Variants in NDST4 observed in about 807,000 individuals in gnomAD.
The protein encoded by NDST4 is N-deacetylase and N-sulfotransferase 4.
NDST4 carries 63 observed loss-of-function variants against 100.8 expected under a neutral mutation model. The observed-to-expected ratio is 0.62, with a 90% CI of 0.51 to 0.77. The LOEUF (loss-of-function observed/expected upper bound fraction) is 0.77, where lower values mean the gene tolerates loss of function less well. Among genes scored for constraint, NDST4 ranks in the 30% least tolerant of loss-of-function variants. The pLI is 0.00. For synonymous variants in NDST4, 377 were observed against 361.8 expected, an observed-to-expected ratio of 1.04 and a Z score of -0.48; for missense variants, 943 against 1,018.4, an observed-to-expected ratio of 0.93 and a Z score of 1.01.
intron 2 of NDST4, among the ~76,000 whole-genome samples, chr4:115,051,446 A>G (rs1728581589): frequency 1.3e-5 from 2 of 151,840 alleles, no homozygotes; most frequent in Admixed American, 1.3e-4. Context: ...TCTTTTAATC[A>G]CCAATCTATT....
chr4:115,031,757 AT>A (rs1315246729), intron 2 of NDST4, among the ~76,000 whole-genome samples: 2 of 151,952 alleles, frequency 1.3e-5, no homozygotes, highest in African/African-American at 4.8e-5. Context: ...GCTTCCTTAG[AT>A]TTTTTTCTTC....
At chr4:114,967,930 C>T (rs1161196170) in intron 4 of NDST4, among the ~76,000 whole-genome samples, 1 of 152,110 alleles carries the variant, frequency 6.6e-6, no homozygotes, top group Admixed American at 6.5e-5. Context: ...ATCCTCCCAG[C>T]AATTCCATGA....
At chr4:115,011,791 T>C (rs1027579200) in intron 2 of NDST4, among the ~76,000 whole-genome samples, 2 of 151,852 alleles carry the variant, frequency 1.3e-5, no homozygotes, top group Admixed American at 6.6e-5. Context: ...GGAAGCCAAA[T>C]AACAGGAACA....
chr4:114,889,044 A>G (rs928623951), intron 6 of NDST4, among the ~76,000 whole-genome samples: 9 of 152,154 alleles, frequency 5.9e-5, no homozygotes, highest in Non-Finnish European at 1.0e-4. Context: ...ACATATATGT[A>G]GCAACACTAG....
chr4:115,101,827 G>T (rs1729735683), intron 1 of NDST4, among the ~76,000 whole-genome samples: 1 of 152,126 alleles, frequency 6.6e-6, no homozygotes, highest in South Asian at 2.1e-4. Flanking sequence ...TAGCAGGTGA[G>T]AACTCTGTAA....
intron 4 of NDST4, among the ~76,000 whole-genome samples, chr4:114,957,926 C>T (rs775640528): frequency 3.9e-5 from 6 of 152,274 alleles, no homozygotes; most frequent in African/African-American, 7.2e-5. Context: ...CAGCTCTGTC[C>T]CTGTGGCTTT....
intron 6 of NDST4, among the ~76,000 whole-genome samples, chr4:114,906,116 A>C (rs563356107): frequency 1.5e-3 from 224 of 152,106 alleles, no homozygotes; most frequent in Non-Finnish European, 2.7e-3. Flanking sequence ...AACATAATTA[A>C]CTATAAAATA....
intron 11 of NDST4, among the ~76,000 whole-genome samples, chr4:114,835,488 G>C (rs1723288512): frequency 6.6e-6 from 1 of 152,168 alleles, no homozygotes; most frequent in African/African-American, 2.4e-5. Flanking sequence ...GAGACTGTTT[G>C]TTATGATTTC....
Position 114,839,543 on chromosome 4 carries a change from T to C in NDST4, c.2121A>G (p.Gln707=). 1 of 1,613,008 alleles carries C rather than the reference T, an allele frequency of 6.2e-7. No homozygotes were observed. The highest frequency in any genetic ancestry group is 8.5e-7 in the Non-Finnish European group (1 of 1,179,444). The change falls in exon 11 of 14, where the codon CAA becomes CAG. Residue 707 remains glutamine, a synonymous_variant. Coordinates refer to ENST00000264363, the MANE Select transcript of NDST4 (RefSeq NM_022569.3). ...SDRAYSWYQH[Q]RSHEDPAALR... is the part of the protein sequence containing the mutation. ...GAGCAGCTGGATCTTCATGTGATCG[T>C]TGGTGCTTTAACAAGAAAGTCAATT...
At position 115,076,395 on chromosome 4, in the gene NDST4, A is replaced by G. The variant is rs761395212; in HGVS notation, c.642T>C (p.Pro214=). ...ITKAPKVEKG[P]LPGEDWTIFQ... ...AAATAGTCCAGTCTTCCCCAGGAAG[A>G]GGGCCTTTCTCAACCTTGGGGGCTT... Residue 214 remains proline (P), a synonymous_variant, in exon 2 of 14, where the codon CCT becomes CCC. Coordinates refer to ENST00000264363, the MANE Select transcript of NDST4 (RefSeq NM_022569.3). 2 of 1,613,976 alleles carry G rather than the reference A, an allele frequency of 1.2e-6. No individual in the cohort carries two copies. Among genetic ancestry groups the G allele is most frequent in the Admixed American group, 1.7e-5 (1 of 59,990 alleles).
At chr4:115,067,272 C>T (rs1249899681) in intron 2 of NDST4, among the ~76,000 whole-genome samples, 1 of 152,160 alleles carries the variant, frequency 6.6e-6, no homozygotes, top group Non-Finnish European at 1.5e-5. Flanking sequence ...CCATTTACCA[C>T]AAACCAGACT....
At chr4:115,072,349 A>T (rs545140927) in intron 2 of NDST4, among the ~76,000 whole-genome samples, 169 of 152,198 alleles carry the variant, frequency 1.1e-3, no homozygotes, top group African/African-American at 3.7e-3. Context: ...ATAGAAAAAA[A>T]TTTTTAAAAG....
intron 10 of NDST4, among the ~76,000 whole-genome samples, chr4:114,840,579 G>T (rs990030515): frequency 6.6e-6 from 1 of 152,168 alleles, no homozygotes; most frequent in Admixed American, 6.5e-5. Flanking sequence ...AAGCTAAAAT[G>T]TAAGGAGAAA....
chr4:115,004,632 C>T (rs996628120), intron 2 of NDST4, among the ~76,000 whole-genome samples: 3 of 152,118 alleles, frequency 2.0e-5, no homozygotes, highest in African/African-American at 7.2e-5. Context: ...GTCACACCAA[C>T]CACCCCTTCT....
chr4:114,877,793 C>T (rs1724286983), intron 6 of NDST4, among the ~76,000 whole-genome samples: 1 of 152,052 alleles, frequency 6.6e-6, no homozygotes, highest in Middle Eastern at 3.4e-3. Context: ...ACTACAAATA[C>T]AAAAAGTAGC....
chr4:114,905,605 T>C (rs1322396646), intron 6 of NDST4, among the ~76,000 whole-genome samples: 1 of 151,970 alleles, frequency 6.6e-6, no homozygotes, highest in Non-Finnish European at 1.5e-5. Context: ...TGATAATTAA[T>C]TAACATCTAT....
At chr4:115,029,414 A>C (rs1406750759) in intron 2 of NDST4, among the ~76,000 whole-genome samples, 1 of 152,050 alleles carries the variant, frequency 6.6e-6, no homozygotes, top group Non-Finnish European at 1.5e-5. Flanking sequence ...CATTTTAGGG[A>C]ATAGATTTAT....
intron 6 of NDST4, among the ~76,000 whole-genome samples, chr4:114,876,105 A>G (rs903148759): frequency 2.0e-5 from 3 of 152,184 alleles, no homozygotes; most frequent in Non-Finnish European, 4.4e-5. Context: ...CAAACACAGG[A>G]TGAAACAACG....
At chr4:114,992,790 T>A (rs1431918393) in intron 2 of NDST4, among the ~76,000 whole-genome samples, 1 of 151,874 alleles carries the variant, frequency 6.6e-6, no homozygotes, top group Non-Finnish European at 1.5e-5. Flanking sequence ...AAAGGGGTGT[T>A]GCTTAACCAG....
Sources: gnomAD v4.1 joint callset for allele counts (sites outside exome capture counted in the v4.1 genomes callset) on GRCh38, gnomAD v4.1.1 for gene constraint, MANE v1.5 for transcripts, NCBI Gene and HGNC (gene_info 2026-07-23, HGNC 2026-07-21) for gene names.